Variants in MEMO1 observed in about 807,000 individuals in gnomAD.
The protein encoded by MEMO1 is mediator of cell motility 1.
In MEMO1, 6 loss-of-function variants were observed where a neutral mutation model predicts 45.2. The observed-to-expected ratio is 0.13, with a 90% confidence interval of 0.07 to 0.26. MEMO1 has a LOEUF of 0.26. MEMO1 is among the 10% of genes least tolerant of loss of function. MEMO1 has a pLI of 1.00. For missense variants in MEMO1, 184 were observed against 370.5 expected, an observed-to-expected ratio of 0.50 and a Z score of 4.13; for synonymous variants, 78 against 124.3, an observed-to-expected ratio of 0.63 and a Z score of 2.48.
chr2:31,970,272 T>G (rs1197892569), intron 2 of MEMO1, among the ~76,000 whole-genome samples: 1 of 152,104 alleles, frequency 6.6e-6, no homozygotes, highest in Non-Finnish European at 1.5e-5. Flanking sequence ...GCCTGGCCTC[T>G]CTTTCGTAAT....
intron 2 of MEMO1, among the ~76,000 whole-genome samples, chr2:31,995,029 G>A (rs937919202): frequency 6.6e-6 from 1 of 151,686 alleles, no homozygotes; most frequent in Non-Finnish European, 1.5e-5. Flanking sequence ...AGGCAGGCAG[G>A]CAAACATGAC....
At chr2:31,912,312 G>T (rs1326643820) in intron 6 of MEMO1, among the ~76,000 whole-genome samples, 1 of 151,968 alleles carries the variant, frequency 6.6e-6, no homozygotes, top group East Asian at 1.9e-4. Context: ...CTGCACTCTA[G>T]CCTGGGCAAC....
chr2:31,921,278 A>G (rs1269805075), intron 4 of MEMO1, among the ~76,000 whole-genome samples: 1 of 152,172 alleles, frequency 6.6e-6, no homozygotes, highest in African/African-American at 2.4e-5. Flanking sequence ...TTGATATTGA[A>G]TTTCAAGCTT....
At chr2:31,990,837 C>T (rs1353824541) in intron 2 of MEMO1, among the ~76,000 whole-genome samples, 1 of 152,074 alleles carries the variant, frequency 6.6e-6, no homozygotes, top group Non-Finnish European at 1.5e-5. Context: ...GATTCTGAGA[C>T]TGACAAGAGA....
Position 31,920,406 on chromosome 2 carries a change from A to G in MEMO1, c.325+392T>C, listed in dbSNP as rs934219429. ...AAAAATCATTTGAAAGAAAATAAAG[A>G]TATTATCAGCATTATCTATTTACAG... On this transcript the variant is annotated intron_variant, in intron 5 of 9. Coordinates refer to ENST00000404530, the MANE Select transcript of MEMO1 (RefSeq NM_001301833.4). Among the ~76,000 whole-genome samples the G allele has an allele frequency of 5.3e-5, 8 of 152,288 alleles. No individual in the cohort carries two copies. In the East Asian group the frequency reaches 1.3e-3, roughly 26 times the overall value.
At chr2:32,008,745 G>A (rs1246443302) in intron 2 of MEMO1, among the ~76,000 whole-genome samples, 1 of 152,192 alleles carries the variant, frequency 6.6e-6, no homozygotes, top group Non-Finnish European at 1.5e-5. Flanking sequence ...TTTGCTTAAT[G>A]CAAAACTATA....
chr2:31,995,107 T>C (rs1008582161), intron 2 of MEMO1, among the ~76,000 whole-genome samples: 3 of 151,816 alleles, frequency 2.0e-5, no homozygotes, highest in Non-Finnish European at 4.4e-5. Context: ...AAAACAGCTA[T>C]TGTAGAAATA....
At chr2:31,973,675 G>C (rs964194495) in intron 2 of MEMO1, among the ~76,000 whole-genome samples, 4 of 152,132 alleles carry the variant, frequency 2.6e-5, no homozygotes, top group Non-Finnish European at 5.9e-5. Context: ...CTATGTGAAT[G>C]AACCTTGAAA....
intron 2 of MEMO1, among the ~76,000 whole-genome samples, chr2:31,979,043 G>A (rs766246850): frequency 2.6e-5 from 4 of 152,060 alleles, no homozygotes; most frequent in Admixed American, 6.6e-5. Flanking sequence ...AAGAAAACAG[G>A]TTTAATTGAC....
intron 8 of MEMO1, among the ~76,000 whole-genome samples, chr2:31,879,220 G>A (rs2147920061): frequency 6.6e-6 from 1 of 152,238 alleles, no homozygotes; most frequent in Non-Finnish European, 1.5e-5. Flanking sequence ...CTCTTGCAAG[G>A]TTCTTAATTC....
intron 9 of MEMO1, 42 bp downstream of exon 9, chr2:31,869,806 A>T (rs1262455617): frequency 6.4e-7 from 1 of 1,560,586 alleles, no homozygotes; most frequent in Non-Finnish European, 8.6e-7. Flanking sequence ...GGAATATCAT[A>T]TGACCAAATG....
intron 8 of MEMO1, among the ~76,000 whole-genome samples, chr2:31,882,556 C>T (rs1675568065): frequency 1.3e-5 from 2 of 152,016 alleles, no homozygotes; most frequent in Non-Finnish European, 2.9e-5. Flanking sequence ...ATGCCTCTGT[C>T]AGGTCAAACT....
chr2:31,912,939 C>T (rs1680816009), intron 6 of MEMO1, among the ~76,000 whole-genome samples: 1 of 152,124 alleles, frequency 6.6e-6, no homozygotes, highest in Non-Finnish European at 1.5e-5. Context: ...CTCCTTTAGA[C>T]TACTATTTTT....
chr2:31,914,910 T>C (rs918737684), intron 6 of MEMO1, among the ~76,000 whole-genome samples: 8 of 151,058 alleles, frequency 5.3e-5, no homozygotes, highest in Non-Finnish European at 1.0e-4. Flanking sequence ...TGAGTTATAA[T>C]TGTGCCACTG....
At chr2:31,967,630 G>A (rs1034082483) in intron 2 of MEMO1, among the ~76,000 whole-genome samples, 3 of 151,824 alleles carry the variant, frequency 2.0e-5, no homozygotes, top group Non-Finnish European at 4.4e-5. Context: ...TTTTTGTAGA[G>A]ACAAGGTTTC....
chr2:31,886,736 T>A lies in MEMO1; in HGVS notation c.581-3274A>T, dbSNP rs117162926. Among the ~76,000 whole-genome samples the A allele has an allele frequency of 9.3e-4, 141 of 152,334 alleles. No individual in the cohort carries two copies. The East Asian group carries it at 0.024, about 26-fold the overall frequency. ...ATGTACCTGGAGAACTGGACTTTTG[T>A]ACTTTTTAAGTATGAATAAAGCGTA... On this transcript the variant is annotated intron_variant, in intron 7 of 9. Coordinates refer to ENST00000404530, the MANE Select transcript of MEMO1 (RefSeq NM_001301833.4).
chr2:31,938,394 C>G (rs1318545364), intron 3 of MEMO1, among the ~76,000 whole-genome samples: 2 of 151,470 alleles, frequency 1.3e-5, no homozygotes, highest in African/African-American at 4.9e-5. Context: ...CACCTGTAAT[C>G]CCAGCACTTT....
At chr2:31,904,943 C>A (rs1216674458) in intron 6 of MEMO1, among the ~76,000 whole-genome samples, 3 of 152,040 alleles carry the variant, frequency 2.0e-5, no homozygotes, top group African/African-American at 7.2e-5. Context: ...TACAGAGATC[C>A]AGAAAACAGG....
At chr2:31,893,811 GCC>G (rs1456759602) in intron 6 of MEMO1, among the ~76,000 whole-genome samples, 1 of 152,104 alleles carries the variant, frequency 6.6e-6, no homozygotes, top group Non-Finnish European at 1.5e-5. Flanking sequence ...CTCCACAAGA[GCC>G]ATTAATCCCT....
Sources: allele counts gnomAD v4.1 joint callset (sites outside exome capture counted in the v4.1 genomes callset), GRCh38; gene constraint gnomAD v4.1.1; transcripts MANE v1.5; gene names NCBI Gene and HGNC (gene_info 2026-07-23, HGNC 2026-07-21).